The following ABI3BP variants were observed in gnomAD, a reference collection of about 807,000 sequenced individuals.
ABI3BP encodes the protein ABI family member 3 binding protein.
In ABI3BP, 216 loss-of-function variants were observed where a neutral mutation model predicts 268.6. The ratio of observed to expected loss-of-function variants is 0.80; its 90% confidence interval spans 0.72 to 0.90. The LOEUF (loss-of-function observed/expected upper bound fraction) is 0.90. Ranked by LOEUF, ABI3BP falls within the 40% of genes least tolerant of loss-of-function variation. The pLI is 0.00. For synonymous variants in ABI3BP, 730 were observed against 730.0 expected, an observed-to-expected ratio of 1.00 and a Z score of 0.00; for missense variants, 2,090 against 2,182.4, an observed-to-expected ratio of 0.96 and a Z score of 0.84.
chr3:100,805,407 TGAATTTG>T, intron 50 of ABI3BP, among the ~76,000 whole-genome samples: 1 of 152,076 alleles, frequency 6.6e-6, no homozygotes, highest in Non-Finnish European at 1.5e-5. Context: ...AACCTTCAAA[TGAATTTG>T]CTGACAACTA....
At chr3:100,835,579 T>C in intron 28 of ABI3BP, 22 bp downstream of exon 28, 2 of 1,519,778 alleles carry the variant, frequency 1.3e-6, no homozygotes, top group East Asian at 4.9e-5. Flanking sequence ...AACTCATACT[T>C]AAAGACATAA....
chr3:100,935,746 A>G (rs1584064051), intron 1 of ABI3BP, among the ~76,000 whole-genome samples: 2 of 152,242 alleles, frequency 1.3e-5, no homozygotes, highest in East Asian at 3.9e-4. Flanking sequence ...AGCAATTGTG[A>G]ATGGGAGTTC....
intron 62 of ABI3BP, among the ~76,000 whole-genome samples, chr3:100,767,228 A>G (rs2096316971): frequency 6.6e-6 from 1 of 152,256 alleles, no homozygotes. Context: ...GGCGTGAGCC[A>G]CTGCGCCCAG....
At chr3:100,945,366 A>G (rs1584463493) in intron 1 of ABI3BP, among the ~76,000 whole-genome samples, 2 of 152,202 alleles carry the variant, frequency 1.3e-5, no homozygotes, top group African/African-American at 4.8e-5. Flanking sequence ...CATTTTAAGT[A>G]TACAGCTCAA....
At chr3:100,867,066 A>G in intron 9 of ABI3BP, 110 bp from the exon 10 acceptor site, 1 of 743,606 alleles carries the variant, frequency 1.3e-6, no homozygotes, top group South Asian at 1.7e-5. Flanking sequence ...CTCCTTCCCC[A>G]CCAGCCAGTC....
Position 100,751,651 on chromosome 3 carries a change from G to A in ABI3BP, c.5146C>T (p.Gln1716Ter). The A allele has an allele frequency of 1.9e-6, 3 of 1,603,368 alleles. No homozygotes were observed. The highest frequency in any genetic ancestry group is 2.2e-5 in the East Asian group (1 of 44,618). Residue 1716 changes from glutamine (Q) to a stop codon, truncating the protein, a stop_gained, in exon 67 of 68, where the codon CAG (glutamine) becomes TAG (stop). Coordinates refer to ENST00000471714, the MANE Select transcript of ABI3BP (RefSeq NM_001375547.2). LOFTEE classifies it high-confidence loss of function. ...LTGKFYNIGDQRGHGEDHCQF... is the reference protein window; with the variant it reads ...LTGKFYNIGD ...CAGTGATCTTCTCCATGGCCCCTCT[G>A]ATCACCTATGTTATAAAATTTTCCT...
chr3:100,825,800 G>T lies in ABI3BP; in HGVS notation c.2647C>A (p.Pro883Thr). ...LEPVTFRTEIPATTLATKTSK... is the reference protein window; with the variant it reads ...LEPVTFRTEITATTLATKTSK... ...GGGTCGTTACCTAAGGTTGTTGCAG[G>T]GATCTCAGTTCTAAAAGTAACAGGC... Residue 883 changes from proline to threonine, a missense_variant, in exon 35 of 68, where the codon CCT becomes ACT. Coordinates refer to ENST00000471714, the MANE Select transcript of ABI3BP (RefSeq NM_001375547.2). The T allele has an allele frequency of 6.5e-7, 1 of 1,535,712 alleles. No homozygotes were observed.
Position 100,749,368 on chromosome 3 carries a change from TTATACTTGTTTGAAAA to T in ABI3BP, c.*1111_*1126del, listed in dbSNP as rs1231109601. On this transcript the variant is annotated 3_prime_UTR_variant, in exon 68 of 68. Coordinates refer to ENST00000471714, the MANE Select transcript of ABI3BP (RefSeq NM_001375547.2). Reference sequence around the variant, plus strand: ...AAACTACATCTCTTTATTGCAGAATTTATACTTGTTTGAAAAATACAAAATGTAGCGTTGATAAGAT... The same window carrying T: ...AAACTACATCTCTTTATTGCAGAATTATACAAAATGTAGCGTTGATAAGAT... The T allele has an allele frequency of 3.7e-6, 1 of 272,900 alleles. No individual in the cohort carries two copies. Among genetic ancestry groups the T allele is most frequent in the Non-Finnish European group, 6.5e-6 (1 of 153,202 alleles). 16.9% of individuals were successfully genotyped at this position (272,900 alleles called of 1,614,324 possible).
intron 28 of ABI3BP, among the ~76,000 whole-genome samples, chr3:100,835,257 A>C (rs912187780): frequency 6.6e-6 from 1 of 152,214 alleles, no homozygotes; most frequent in African/African-American, 2.4e-5. Flanking sequence ...TGCCCACAGA[A>C]TTATAATTGA....
At chr3:100,945,398 C>G (rs1047204953) in intron 1 of ABI3BP, among the ~76,000 whole-genome samples, 1 of 152,204 alleles carries the variant, frequency 6.6e-6, no homozygotes, top group South Asian at 2.1e-4. Context: ...CTCAAACTCA[C>G]AGAAGTTGCT....
Position 100,992,385 on chromosome 3 carries a change from A to T in ABI3BP, c.79+921T>A, listed in dbSNP as rs527664795. ...ACTAGCAACCTTTCTTTCTGACTTT[A>T]GGCACACCAGGTTCTTGACAAGCCT... On this transcript the variant is annotated intron_variant, in intron 1 of 67. Coordinates refer to ENST00000471714, the MANE Select transcript of ABI3BP (RefSeq NM_001375547.2). 8.5e-5 allele frequency among the ~76,000 whole-genome samples: 13 copies of T among 152,260 alleles called. No individual in the cohort carries two copies. In the South Asian group the frequency reaches 2.7e-3, roughly 32 times the overall value.
At chr3:100,841,854 C>A in intron 21 of ABI3BP, 144 bp downstream of exon 21, 1 of 644,940 alleles carries the variant, frequency 1.6e-6, no homozygotes, top group Non-Finnish European at 2.6e-6. Flanking sequence ...CACGCCACTG[C>A]ACTCCAGCCT....
At chr3:100,795,897 C>A in intron 52 of ABI3BP, 46 bp from the exon 53 acceptor site, 1 of 1,237,536 alleles carries the variant, frequency 8.1e-7, no homozygotes, top group Non-Finnish European at 1.0e-6. Context: ...AGAATTACTA[C>A]CTGGCAAAGT....
intron 14 of ABI3BP, among the ~76,000 whole-genome samples, chr3:100,854,989 C>T (rs28496011): frequency 0.022 from 3,418 of 151,956 alleles, 53 homozygotes; most frequent in African/African-American, 0.049. Context: ...TGAAATGGCA[C>T]GATCTCAGCT....
chr3:100,930,477 C>T (rs1001586539), intron 1 of ABI3BP, among the ~76,000 whole-genome samples: 1 of 151,646 alleles, frequency 6.6e-6, no homozygotes, highest in Non-Finnish European at 1.5e-5. Flanking sequence ...TTAAGAAATT[C>T]TTTTAAAAAA....
At chr3:100,753,002 C>A in intron 65 of ABI3BP, 54 bp from the exon 66 acceptor site, 1 of 1,496,494 alleles carries the variant, frequency 6.7e-7, no homozygotes, top group Non-Finnish European at 9.0e-7. Flanking sequence ...TCAGATACTT[C>A]AAGAAATCAG....
intron 6 of ABI3BP, among the ~76,000 whole-genome samples, chr3:100,879,831 G>C (rs9880062): frequency 6.6e-6 from 1 of 152,012 alleles, no homozygotes; most frequent in Non-Finnish European, 1.5e-5. Context: ...AAATAGCTGC[G>C]TCTCTACAGG....
Position 100,749,390 on chromosome 3 carries a change from A to G in ABI3BP, c.*1105T>C. 2.8e-6 allele frequency: 1 copy of G among 359,124 alleles called. No individual in the cohort carries two copies. Among genetic ancestry groups the G allele is most frequent in the Admixed American group, 4.6e-5 (1 of 21,566 alleles). 22.2% of individuals were successfully genotyped at this position (359,124 alleles called of 1,614,324 possible). Reference sequence around the variant, plus strand: ...AATTTATACTTGTTTGAAAAATACAAAATGTAGCGTTGATAAGATTGAAGC... The same window carrying G: ...AATTTATACTTGTTTGAAAAATACAGAATGTAGCGTTGATAAGATTGAAGC... On this transcript the variant is annotated 3_prime_UTR_variant, in exon 68 of 68. Coordinates refer to ENST00000471714, the MANE Select transcript of ABI3BP (RefSeq NM_001375547.2).
intron 15 of ABI3BP, among the ~76,000 whole-genome samples, chr3:100,851,451 A>G (rs1004803998): frequency 2.0e-5 from 3 of 152,120 alleles, no homozygotes; most frequent in Non-Finnish European, 4.4e-5. Context: ...ACTAGATGCT[A>G]GGAGTGCTTC....
Sources: gnomAD v4.1 joint callset for allele counts (sites outside exome capture counted in the v4.1 genomes callset) on GRCh38, gnomAD v4.1.1 for gene constraint, MANE v1.5 for transcripts, NCBI Gene and HGNC (gene_info 2026-07-23, HGNC 2026-07-21) for gene names.